Variants in DAW1 observed in about 807,000 individuals in gnomAD.
DAW1 encodes dynein assembly factor with WD repeat domains 1.
A neutral mutation model predicts 56.5 loss-of-function variants in DAW1; 47 were observed. The ratio of observed to expected loss-of-function variants is 0.83; its 90% CI spans 0.66 to 1.06. The LOEUF (loss-of-function observed/expected upper bound fraction) is 1.06. DAW1 is among the 50% of genes least tolerant of loss of function. DAW1 has a pLI of 0.00. For missense variants in DAW1, 505 were observed against 499.3 expected (o/e 1.01, Z -0.11); for synonymous variants, 190 against 179.0 (o/e 1.06, Z -0.49).
At chr2:227,895,252 A>G (rs929266432) in intron 5 of DAW1, among the ~76,000 whole-genome samples, 2 of 152,242 alleles carry the variant, frequency 1.3e-5, no homozygotes, top group African/African-American at 4.8e-5. Flanking sequence ...ACACACAGTC[A>G]AAGAAAGACA....
At chr2:227,900,121 C>T (rs990800344) in intron 6 of DAW1, among the ~76,000 whole-genome samples, 2 of 152,180 alleles carry the variant, frequency 1.3e-5, no homozygotes, top group African/African-American at 4.8e-5. Flanking sequence ...AGCCCCTTTA[C>T]ATAGACAGGT....
At chr2:227,899,487 A>G (rs1691488501) in intron 6 of DAW1, among the ~76,000 whole-genome samples, 1 of 152,250 alleles carries the variant, frequency 6.6e-6, no homozygotes, top group South Asian at 2.1e-4. Flanking sequence ...AGGAAACAAA[A>G]TATAACCACC....
chr2:227,879,071 C>T (rs554050822), intron 1 of DAW1, among the ~76,000 whole-genome samples: 1 of 152,248 alleles, frequency 6.6e-6, no homozygotes, highest in East Asian at 1.9e-4. Flanking sequence ...CAGGCATGAG[C>T]CACCATGCCT....
chr2:227,886,682 C>T (rs987833086), intron 2 of DAW1, among the ~76,000 whole-genome samples: 2 of 152,188 alleles, frequency 1.3e-5, no homozygotes, highest in African/African-American at 2.4e-5. Context: ...TGTGGTGGCT[C>T]ACACCTGTAA....
intron 4 of DAW1, among the ~76,000 whole-genome samples, chr2:227,893,096 C>CGTCT (rs1691311113): frequency 6.6e-6 from 1 of 151,484 alleles, no homozygotes; most frequent in African/African-American, 2.4e-5. Context: ...AGTGAAACCC[C>CGTCT]ATCTCTACTA....
intron 10 of DAW1, among the ~76,000 whole-genome samples, chr2:227,912,925 G>A (rs56164660): frequency 0.48 from 73,681 of 151,952 alleles, 18,321 homozygotes; most frequent in Middle Eastern, 0.63. Flanking sequence ...ATCACTGATG[G>A]TCATGTTTGA....
chr2:227,894,786 C>A (rs1691367487), intron 5 of DAW1, among the ~76,000 whole-genome samples: 1 of 152,182 alleles, frequency 6.6e-6, no homozygotes, highest in East Asian at 1.9e-4. Flanking sequence ...TCCCATGGCA[C>A]CCTGAACATC....
At chr2:227,882,462 A>G (rs1200866965) in intron 1 of DAW1, among the ~76,000 whole-genome samples, 1 of 152,198 alleles carries the variant, frequency 6.6e-6, no homozygotes, top group Non-Finnish European at 1.5e-5. Context: ...CCAACAGAAC[A>G]ACCTAGTTTT....
chr2:227,902,547 C>T (rs527960359), intron 6 of DAW1, among the ~76,000 whole-genome samples: 9 of 152,082 alleles, frequency 5.9e-5, no homozygotes, highest in Middle Eastern at 3.4e-3. Flanking sequence ...AACAGTTGTC[C>T]GGGGCATGGG....
rs769993399 is a variant in DAW1, at chr2:227,871,724, C to A, written c.35C>A (p.Pro12Gln). ...AAGAGCCTCCTGCTCCGGTATTACC[C>A]GCCAGGTACGCACCAGCCCGGCCCC... Reference protein sequence around the residue: ...KLKSLLLRYYPPGIMLEYEKH... With the variant: ...KLKSLLLRYYQPGIMLEYEKH... Residue 12 changes from proline (P) to glutamine (Q), a missense_variant, in exon 1 of 13, where the codon CCG (proline) becomes CAG (glutamine). Transcript: ENST00000309931. 17 of 1,613,828 alleles carry A rather than the reference C, an allele frequency of 1.1e-5. No individual in the cohort carries two copies. The highest frequency in any genetic ancestry group is 4.0e-5 in the African/African-American group (3 of 74,942).
intron 1 of DAW1, among the ~76,000 whole-genome samples, chr2:227,881,018 A>G (rs1422930757): frequency 6.6e-6 from 1 of 152,216 alleles, no homozygotes; most frequent in East Asian, 1.9e-4. Context: ...AGGTCAGGCA[A>G]AAGAGGACAA....
At chr2:227,884,405 T>G (rs1411010957) in intron 1 of DAW1, among the ~76,000 whole-genome samples, 1 of 152,230 alleles carries the variant, frequency 6.6e-6, no homozygotes, top group Non-Finnish European at 1.5e-5. Context: ...GACGTTTTGA[T>G]TATTACGGGG....
At chr2:227,917,138 ATCTATCTG>A (rs1177868066) in intron 10 of DAW1, among the ~76,000 whole-genome samples, 4,495 of 97,878 alleles carry the variant, frequency 0.046, 220 homozygotes, top group African/African-American at 0.17. Context: ...CTATCTATCT[ATCTATCTG>A]TCTGTCTGTC....
chr2:227,871,875 C>G (rs537015586), intron 1 of DAW1, 146 bp downstream of exon 1: 3 of 949,952 alleles, frequency 3.2e-6, no homozygotes, highest in African/African-American at 1.7e-5. Context: ...AACCTGTGCC[C>G]CTCATTCCTT....
intron 6 of DAW1, among the ~76,000 whole-genome samples, chr2:227,902,216 G>A (rs956984477): frequency 9.2e-5 from 14 of 152,186 alleles, no homozygotes; most frequent in East Asian, 1.9e-4. Context: ...AGCTACCTTG[G>A]CTGGGTGATG....
At chr2:227,893,532 C>T (rs896145850) in intron 4 of DAW1, among the ~76,000 whole-genome samples, 11 of 151,286 alleles carry the variant, frequency 7.3e-5, no homozygotes, top group African/African-American at 2.4e-4. Flanking sequence ...TATAGCCAGG[C>T]GTGGTGGTGG....
chr2:227,921,639 G>A (rs1692114353), intron 12 of DAW1, 78 bp downstream of exon 12: 1 of 1,453,914 alleles, frequency 6.9e-7, no homozygotes. Flanking sequence ...ACTAACAGGA[G>A]TTCATCCCCA....
chr2:227,917,112 GTATCTATC>G (rs57043132), intron 10 of DAW1, among the ~76,000 whole-genome samples: 3,300 of 148,482 alleles, frequency 0.022, 85 homozygotes, highest in African/African-American at 0.063. Context: ...ATGCATGACA[GTATCTATC>G]TATCTATCTA....
chr2:227,902,507 T>C (rs915485029), intron 6 of DAW1, among the ~76,000 whole-genome samples: 3 of 152,104 alleles, frequency 2.0e-5, no homozygotes, highest in Non-Finnish European at 1.5e-5. Flanking sequence ...AATACTAAGG[T>C]CCATGGTGTG....
Sources: allele counts gnomAD v4.1 joint callset (sites outside exome capture counted in the v4.1 genomes callset), GRCh38; gene constraint gnomAD v4.1.1; transcripts MANE v1.5; gene names NCBI Gene and HGNC (gene_info 2026-07-23, HGNC 2026-07-21).